KANSL3: variants seen among roughly 807,000 people sequenced by gnomAD.
KANSL3 encodes KAT8 regulatory NSL complex subunit 3.
A neutral mutation model predicts 89.2 loss-of-function variants in KANSL3; 16 were observed. That is an observed-to-expected ratio of 0.18 (90% CI 0.12 to 0.27). KANSL3 has a LOEUF of 0.27. Ranked by LOEUF, KANSL3 falls within the 10% of genes least tolerant of loss-of-function variation. The pLI, the probability that KANSL3 is intolerant of heterozygous loss-of-function variation, is 1.00. For missense variants in KANSL3, 879 were observed against 1,110.6 expected (o/e 0.79, Z 2.96); for synonymous variants, 385 against 419.7 (o/e 0.92, Z 1.01).
chr2:96,589,416 A>C (rs906208536), downstream of KANSL3, among the ~76,000 whole-genome samples: 17 of 152,250 alleles, frequency 1.1e-4, no homozygotes, highest in Admixed American at 3.3e-4. Context: ...AGTGTCAAAT[A>C]AAGTAGACTT....
At chr2:96,608,474 G>A in intron 14 of KANSL3, 34 bp downstream of exon 14, 1 of 1,611,692 alleles carries the variant, frequency 6.2e-7, no homozygotes, top group Non-Finnish European at 8.5e-7. Context: ...ACAGAAGACA[G>A]ACCCAAGAGG....
chr2:96,589,231 A>C (rs955958860), downstream of KANSL3, among the ~76,000 whole-genome samples: 3 of 152,242 alleles, frequency 2.0e-5, no homozygotes, highest in Non-Finnish European at 2.9e-5. Flanking sequence ...ATTACATGTA[A>C]GAAAACAGTC....
intron 13 of KANSL3, 31 bp from the exon 14 acceptor site, chr2:96,608,695 A>G (rs2068378402): frequency 5.6e-6 from 9 of 1,613,744 alleles, no homozygotes; most frequent in Non-Finnish European, 7.6e-6. Flanking sequence ...AAGAGATGAG[A>G]CAATGTTACT....
At chr2:96,584,847 CTT>C in the KANSL3 span, among the ~76,000 whole-genome samples, 86 of 152,298 alleles carry the variant, frequency 5.6e-4, no homozygotes, top group African/African-American at 1.9e-3. Context: ...ACCAACGAGT[CTT>C]TGTGTGTCAG....
At chr2:96,603,798 C>A (rs2067540779) in intron 17 of KANSL3, 1 of 153,344 alleles carries the variant, frequency 6.5e-6, no homozygotes, top group South Asian at 2.1e-4. Flanking sequence ...TATCTGTGAG[C>A]TTCACAGCAG....
At position 96,607,773 on chromosome 2, in the gene KANSL3, C is replaced by T. The variant is rs189327995; in HGVS notation, c.1741+735G>A. 1.3e-3 allele frequency among the ~76,000 whole-genome samples: 205 copies of T among 152,292 alleles called. 1 individual carries two copies. The highest frequency in any genetic ancestry group is 4.7e-3 in the African/African-American group (195 of 41,554). On this transcript the variant is annotated intron_variant, in intron 14 of 20. Coordinates refer to ENST00000431828, the MANE Select transcript of KANSL3 (RefSeq NM_001115016.3). Reference sequence around the variant, plus strand: ...CTCCTATCCCCTCCACGTCTGTCTGCCAGACAGCCAGCTCTGGCTGCTGCC... The same window carrying T: ...CTCCTATCCCCTCCACGTCTGTCTGTCAGACAGCCAGCTCTGGCTGCTGCC...
At chr2:96,598,086 A>C in intron 20 of KANSL3, 1 of 985,308 alleles carries the variant, frequency 1.0e-6, no homozygotes, top group Non-Finnish European at 1.2e-6. Context: ...ATTACCTAAC[A>C]CAGGAGGAAG....
chr2:96,608,899 C>T lies in KANSL3; in HGVS notation c.1549G>A (p.Ala517Thr), dbSNP rs536572106. ...GAGGGTGAGGCGGGCAGCTTGGCAGCTGGGGAGGCAGGTCGACTGCCCCGC... is the reference window on the plus strand; with the variant it reads ...GAGGGTGAGGCGGGCAGCTTGGCAGTTGGGGAGGCAGGTCGACTGCCCCGC... The part of the protein sequence containing the change: ...PERGSRPASP[A>T]AKLPASPSGS... Residue 517 changes from alanine (A) to threonine (T), a missense_variant, in exon 13 of 21, where the codon GCT becomes ACT. Ala to Thr is a moderately conservative substitution (Grantham distance 58, BLOSUM62 0). Around this residue, in one of 6 missense-constraint regions of KANSL3, gnomAD observed 317 missense variants for 311.2 expected, o/e 1.02. Coordinates refer to ENST00000431828, the MANE Select transcript of KANSL3 (RefSeq NM_001115016.3). 1.3e-6 allele frequency: 2 copies of T among 1,578,114 alleles called. No individual in the cohort carries two copies. The highest frequency in any genetic ancestry group is 1.7e-6 in the Non-Finnish European group (2 of 1,162,126).
chr2:96,593,387 C>A lies in KANSL3; in HGVS notation c.*2224G>T. On this transcript the variant is annotated 3_prime_UTR_variant, in exon 21 of 21. Coordinates refer to ENST00000431828, the MANE Select transcript of KANSL3 (RefSeq NM_001115016.3). ...ATCTAAGAACTTCCTGATCCTTCCA[C>A]ATTTTCTATCAATAATATTGCCTTC... The A allele has an allele frequency of 2.2e-6, 1 of 449,366 alleles. No individual in the cohort carries two copies. The highest frequency in any genetic ancestry group is 4.5e-6 in the Non-Finnish European group (1 of 222,568). 27.8% of individuals were successfully genotyped at this position (449,366 alleles called of 1,614,324 possible). A position where few individuals can be genotyped will look rare whatever the true frequency, so the allele number is the denominator to read the frequency against.
chr2:96,594,586 G>A lies in KANSL3; in HGVS notation c.*1025C>T, dbSNP rs2066405549. On this transcript the variant is annotated 3_prime_UTR_variant, in exon 21 of 21. Coordinates refer to ENST00000431828, the MANE Select transcript of KANSL3 (RefSeq NM_001115016.3). ...GGCCTTCATCGTCCTAATGCCACAA[G>A]TTTCCTGGGATGGCCAAGATACTAC... 1 of 152,190 alleles carries A rather than the reference G, an allele frequency of 6.6e-6. No individual in the cohort carries two copies. The highest frequency in any genetic ancestry group is 1.5e-5 in the Non-Finnish European group (1 of 68,032). 9.4% of individuals were successfully genotyped at this position (152,190 alleles called of 1,614,324 possible).
At chr2:96,638,237 G>C (rs1052455383) in intron 1 of KANSL3, 46 bp downstream of exon 1, 1 of 152,090 alleles carries the variant, frequency 6.6e-6, no homozygotes, top group African/African-American at 2.4e-5. Flanking sequence ...CCACGGCCGC[G>C]ATCCCCACGG....
chr2:96,598,250 T>C (rs1036419741), intron 20 of KANSL3: 1 of 431,416 alleles, frequency 2.3e-6, no homozygotes, highest in Non-Finnish European at 3.1e-6. Context: ...TTTTAGAGTA[T>C]GAGAGGGGAA....
At position 96,602,431 on chromosome 2, in the gene KANSL3, A is replaced by C; in HGVS notation, c.2260-93T>G. ...CCACAGCATATTATTAAAGGCTAAC[A>C]TGTATTGAGTGCCTACTACATGCAA... On this transcript the variant is annotated intron_variant, in intron 18 of 20. Transcript: ENST00000431828. 5 of 918,898 alleles carry C rather than the reference A, an allele frequency of 5.4e-6. No homozygotes were observed. The South Asian group carries it at 7.3e-5, about 13-fold the overall frequency. 56.9% of individuals were successfully genotyped at this position (918,898 alleles called of 1,614,324 possible).
At chr2:96,588,506 T>C (rs1301005767), downstream of KANSL3, among the ~76,000 whole-genome samples, 1 of 151,854 alleles carries the variant, frequency 6.6e-6, no homozygotes. Flanking sequence ...AAGAAGGAAA[T>C]GGTAAAAGAA....
chr2:96,610,692 C>T (rs1426973289), intron 11 of KANSL3, 34 bp downstream of exon 11: 1 of 1,610,800 alleles, frequency 6.2e-7, no homozygotes, highest in African/African-American at 1.3e-5. Context: ...CACTGTAACA[C>T]AGCTCTCTTG....
Position 96,601,761 on chromosome 2 carries a change from G to T in KANSL3, c.2498C>A (p.Thr833Asn). The change falls in exon 20 of 21, where the codon ACC becomes AAC. Residue 833 changes from threonine (T) to asparagine (N), a missense_variant. Around this residue, in one of 6 missense-constraint regions of KANSL3, gnomAD observed 61 missense variants for 61.7 expected, o/e 0.99. Transcript: ENST00000431828. ...SNQASGLKVP[T>N]TITLTLRGQP... ...GCCACGAAGTGTCAGAGTAATGGTG[G>T]TGGGGACCTTCAAGCCTGAGATAAA... 2 of 1,574,680 alleles carry T rather than the reference G, an allele frequency of 1.3e-6. No individual in the cohort carries two copies. The highest frequency in any genetic ancestry group is 8.6e-7 in the Non-Finnish European group (1 of 1,161,864).
At chr2:96,587,139 G>T in the KANSL3 span, among the ~76,000 whole-genome samples, 1 of 152,124 alleles carries the variant, frequency 6.6e-6, no homozygotes, top group South Asian at 2.1e-4. Context: ...GTTGAAGTAG[G>T]CCAAGTGGGA....
At position 96,595,408 on chromosome 2, in the gene KANSL3, C is replaced by A; in HGVS notation, c.*203G>T. The A allele has an allele frequency of 1.8e-6, 1 of 545,326 alleles. No homozygotes were observed. Among genetic ancestry groups the A allele is most frequent in the Admixed American group, 3.3e-5 (1 of 30,214 alleles). 33.8% of individuals were successfully genotyped at this position (545,326 alleles called of 1,614,324 possible). A position where few individuals can be genotyped will look rare whatever the true frequency, so the allele number is the denominator to read the frequency against. On this transcript the variant is annotated 3_prime_UTR_variant, in exon 21 of 21. Transcript: ENST00000431828. ...GTTCCCAGGAACCAGATTTGCAGAT[C>A]CTGGACGATGGTGCTTCCCTTGCTG...
At chr2:96,609,469 C>A (rs1277833238) in intron 12 of KANSL3, 30 bp downstream of exon 12, 1 of 1,606,718 alleles carries the variant, frequency 6.2e-7, no homozygotes, top group Non-Finnish European at 8.5e-7. Flanking sequence ...GCAAGCCTAG[C>A]TGAGAAAAGC....
Sources: gnomAD v4.1 joint callset for allele counts (sites outside exome capture counted in the v4.1 genomes callset) on GRCh38, gnomAD v4.1.1 for gene constraint, gnomAD v4.1.1 regional missense constraint, MANE v1.5 for transcripts, NCBI Gene and HGNC (gene_info 2026-07-23, HGNC 2026-07-21) for gene names.